FAM47E: variants seen among roughly 807,000 people sequenced by gnomAD.
The protein encoded by FAM47E is family with sequence similarity 47 member E, also known as protein FAM47E.
Under a neutral mutation model 41.6 loss-of-function variants are expected in FAM47E, and 32 were observed. The ratio of observed to expected loss-of-function variants is 0.77; its 90% CI spans 0.58 to 1.03. FAM47E has a LOEUF of 1.03. Ranked by LOEUF, FAM47E falls within the 50% of genes least tolerant of loss-of-function variation. The probability of loss-of-function intolerance (pLI) is 0.00; values close to 1 mark genes in which losing one functional copy is unlikely to be tolerated. For synonymous variants in FAM47E, 184 were observed against 188.7 expected (o/e 0.98, Z 0.20); for missense variants, 424 against 485.4 (o/e 0.87, Z 1.19).
chr4:76,251,705 C>T, upstream of FAM47E: 1 of 1,442,428 alleles, frequency 6.9e-7, no homozygotes, highest in African/African-American at 1.5e-5. Flanking sequence ...AGGGCACACA[C>T]ACCGCCCAAG....
intron 5 of FAM47E, among the ~76,000 whole-genome samples, chr4:76,277,477 G>A (rs983936378): frequency 3.3e-5 from 5 of 150,484 alleles, no homozygotes; most frequent in South Asian, 2.1e-4. Flanking sequence ...GCGACAGAGC[G>A]AGACTCCGTC....
At position 76,278,189 on chromosome 4, in the gene FAM47E, CAA is replaced by C; in HGVS notation, c.992_993del (p.Gln331ArgfsTer5). The C allele has an allele frequency of 1.3e-6, 2 of 1,543,392 alleles. No individual in the cohort carries two copies. The highest frequency in any genetic ancestry group is 1.7e-6 in the Non-Finnish European group (2 of 1,145,110). On this transcript the variant is annotated frameshift_variant, in exon 6 of 8. Transcript: ENST00000424749. LOFTEE classifies it high-confidence loss of function. Reference protein sequence around the residue: ...LVDPEVSHKAQEENFKKELQE... With the variant: ...LVDPEVSHKAXEENFKKELQE... The stretch of plus-strand genomic sequence containing the variant: ...TGACCCTGAGGTCTCACATAAGGCT[CAA>C]GAGGAGAATTTTAAAAAGGAGCTGC...
chr4:76,237,963 G>A (rs1474143673), intron 2 of FAM47E, among the ~76,000 whole-genome samples: 1 of 152,328 alleles, frequency 6.6e-6, no homozygotes, highest in Non-Finnish European at 1.5e-5. Flanking sequence ...ATGAGATTTG[G>A]GTGGGGACAT....
At chr4:76,232,020 G>A (rs1733502331) in intron 2 of FAM47E, among the ~76,000 whole-genome samples, 1 of 152,172 alleles carries the variant, frequency 6.6e-6, no homozygotes, top group Non-Finnish European at 1.5e-5. Context: ...TTGCACTGAT[G>A]TAAACAACTA....
At position 76,283,428 on chromosome 4, in the gene FAM47E, T is replaced by G; in HGVS notation, c.1152T>G (p.Asn384Lys). The G allele has an allele frequency of 6.5e-7, 1 of 1,547,658 alleles. No individual in the cohort carries two copies. The highest frequency in any genetic ancestry group is 8.7e-7 in the Non-Finnish European group (1 of 1,143,514). The change falls in exon 8 of 8, where the codon AAT (asparagine) becomes AAG (lysine). Residue 384 changes from asparagine to lysine, a missense_variant. By Grantham distance (94) the Asn-to-Lys change is moderately conservative. Coordinates refer to ENST00000424749, the MANE Select transcript of FAM47E (RefSeq NM_001136570.3). ...GGAAGGAATGTAAACGTGCATGTAA[T>G]AAGACTCCTATAAAACGAACTCAAG... ...YIGKECKRAC[N>K]KTPIKRTQA
intron 2 of FAM47E, among the ~76,000 whole-genome samples, chr4:76,225,508 A>C (rs1477995912): frequency 6.6e-6 from 1 of 152,192 alleles, no homozygotes; most frequent in East Asian, 1.9e-4. Flanking sequence ...ATTCAGTATA[A>C]TGTTGGCTGT....
At chr4:76,283,111 T>C (rs530464362) in intron 7 of FAM47E, 1 of 274,646 alleles carries the variant, frequency 3.6e-6, no homozygotes, top group Non-Finnish European at 7.0e-6. Flanking sequence ...GTAGCAGGGA[T>C]GGGCAGCACA....
chr4:76,231,480 T>C (rs550277602), intron 2 of FAM47E, among the ~76,000 whole-genome samples: 22 of 152,278 alleles, frequency 1.4e-4, no homozygotes, highest in African/African-American at 5.1e-4. Context: ...AAATATATGA[T>C]AGGTTTTGAA....
intron 1 of FAM47E, among the ~76,000 whole-genome samples, chr4:76,253,981 G>T (rs116788490): frequency 0.02 from 3,022 of 151,980 alleles, 74 homozygotes; most frequent in Middle Eastern, 0.054. Flanking sequence ...ATTTAGCTAG[G>T]CATGGTGCCG....
chr4:76,222,916 G>C (rs1578749951), intron 2 of FAM47E, among the ~76,000 whole-genome samples: 1 of 152,186 alleles, frequency 6.6e-6, no homozygotes, highest in Admixed American at 6.5e-5. Context: ...TCAGAAGAAA[G>C]GCAGGGGGGG....
At chr4:76,244,359 C>T (rs1438290681) in intron 2 of FAM47E, among the ~76,000 whole-genome samples, 2 of 152,114 alleles carry the variant, frequency 1.3e-5, no homozygotes, top group East Asian at 3.9e-4. Context: ...CTCCCACCAA[C>T]AGTGTAAAAG....
At chr4:76,220,444 T>C (rs1733287987) in intron 2 of FAM47E, among the ~76,000 whole-genome samples, 2 of 152,158 alleles carry the variant, frequency 1.3e-5, no homozygotes, top group South Asian at 2.1e-4. Flanking sequence ...CTGGGCATCA[T>C]AGCAAGACCC....
At chr4:76,264,306 C>T (rs1344045294) in intron 3 of FAM47E, among the ~76,000 whole-genome samples, 1 of 151,984 alleles carries the variant, frequency 6.6e-6, no homozygotes, top group Non-Finnish European at 1.5e-5. Flanking sequence ...AAATGATCCT[C>T]CTGCCTCAGC....
At chr4:76,281,035 G>A (rs927353898) in intron 7 of FAM47E, 1 of 152,322 alleles carries the variant, frequency 6.6e-6, no homozygotes, top group Non-Finnish European at 1.5e-5. Flanking sequence ...CTCGAGCAGT[G>A]TGCCCAGATC....
intron 2 of FAM47E, among the ~76,000 whole-genome samples, chr4:76,245,711 A>G (rs1006297054): frequency 6.6e-6 from 1 of 152,142 alleles, no homozygotes; most frequent in African/African-American, 2.4e-5. Flanking sequence ...CCCACCAGCA[A>G]TGTATCCCTA....
intron 2 of FAM47E, among the ~76,000 whole-genome samples, chr4:76,233,586 GCACACA>G (rs34421184): frequency 6.6e-6 from 1 of 150,756 alleles, no homozygotes; most frequent in African/African-American, 2.4e-5. Flanking sequence ...ACACACACAC[GCACACA>G]CACACACACA....
At chr4:76,247,936 A>G (rs1733865415), upstream of FAM47E, among the ~76,000 whole-genome samples, 1 of 25,138 alleles carries the variant, frequency 4.0e-5, no homozygotes, top group South Asian at 1.7e-3. Context: ...TTTTTTTGAG[A>G]CAGAGTCTTG....
chr4:76,277,165 G>A (rs895213822), intron 5 of FAM47E, among the ~76,000 whole-genome samples: 2 of 152,142 alleles, frequency 1.3e-5, no homozygotes, highest in African/African-American at 4.8e-5. Context: ...TATGTTCATC[G>A]TCCTCTTTCT....
intron 2 of FAM47E, among the ~76,000 whole-genome samples, chr4:76,243,878 G>C (rs1427837393): frequency 6.6e-6 from 1 of 152,080 alleles, no homozygotes; most frequent in Non-Finnish European, 1.5e-5. Context: ...TTCTCCTAAT[G>C]CTATCCCTCT....
Sources: gnomAD v4.1 joint callset for allele counts (sites outside exome capture counted in the v4.1 genomes callset) on GRCh38, gnomAD v4.1.1 for gene constraint, MANE v1.5 for transcripts, NCBI Gene and HGNC (gene_info 2026-07-23, HGNC 2026-07-21) for gene names.